PDE1A: variants seen among roughly 807,000 people sequenced by gnomAD.
PDE1A encodes dual specificity calcium/calmodulin-dependent 3',5'-cyclic nucleotide phosphodiesterase 1A.
A neutral mutation model predicts 61.7 loss-of-function variants in PDE1A; 35 were observed. The observed-to-expected ratio is 0.57, with a 90% CI of 0.43 to 0.75. The LOEUF (loss-of-function observed/expected upper bound fraction) is 0.75, where lower values mean the gene tolerates loss of function less well. PDE1A is among the 30% of genes least tolerant of loss of function. The pLI is 0.00. For synonymous variants in PDE1A, 232 were observed against 213.2 expected (o/e 1.09, Z -0.77); for missense variants, 597 against 630.6 (o/e 0.95, Z 0.57).
chr2:182,173,042 G>T lies in PDE1A; in HGVS notation c.1517-4752C>A, dbSNP rs151121436. On this transcript the variant is annotated intron_variant, in intron 13 of 13. Transcript: ENST00000351439. ...TCCCTAGGTGAATATAACTACGAAG[G>T]TTCCCATTGCCATTTCCTGACTTCA... Among the ~76,000 whole-genome samples, 105 of 152,032 alleles carry T rather than the reference G, an allele frequency of 6.9e-4. No individual in the cohort carries two copies. The East Asian group carries it at 0.019, about 28-fold the overall frequency.
At chr2:182,588,487 T>C in the PDE1A span, among the ~76,000 whole-genome samples, 1 of 152,224 alleles carries the variant, frequency 6.6e-6, no homozygotes, top group Admixed American at 6.5e-5. Context: ...AAACTCTTAT[T>C]ACTTCTGTCT....
chr2:182,502,108 C>T (rs943100883), intron 2 of PDE1A, among the ~76,000 whole-genome samples: 2 of 152,202 alleles, frequency 1.3e-5, no homozygotes, highest in African/African-American at 4.8e-5. Context: ...TCTCCTCCTT[C>T]CTCAAATGCC....
At chr2:182,634,509 G>A in the PDE1A span, among the ~76,000 whole-genome samples, 1 of 152,148 alleles carries the variant, frequency 6.6e-6, no homozygotes, top group Non-Finnish European at 1.5e-5. Context: ...AACAGCAGGG[G>A]AGTCCTGCTT....
intron 2 of PDE1A, among the ~76,000 whole-genome samples, chr2:182,478,366 C>A (rs996167809): frequency 6.6e-6 from 1 of 151,532 alleles, no homozygotes; most frequent in Non-Finnish European, 1.5e-5. Flanking sequence ...AAATAGTGCT[C>A]TATCATTCTC....
chr2:182,517,018 A>C (rs1259226660), intron 2 of PDE1A, among the ~76,000 whole-genome samples: 1 of 152,168 alleles, frequency 6.6e-6, no homozygotes, highest in Non-Finnish European at 1.5e-5. Context: ...CAGGGGATTA[A>C]GACGTGGACA....
intron 10 of PDE1A, among the ~76,000 whole-genome samples, chr2:182,197,531 TA>T (rs1296638590): frequency 6.6e-6 from 1 of 151,788 alleles, no homozygotes; most frequent in African/African-American, 2.4e-5. Flanking sequence ...TTTATAGTTT[TA>T]GGTTTTGTCT....
At chr2:182,643,222 G>A in the PDE1A span, among the ~76,000 whole-genome samples, 432 of 152,302 alleles carry the variant, frequency 2.8e-3, 2 homozygotes, top group African/African-American at 9.7e-3. Flanking sequence ...AAGTTACCAA[G>A]CACATTCAAA....
chr2:182,531,390 AT>A, the PDE1A span, among the ~76,000 whole-genome samples: 2 of 151,554 alleles, frequency 1.3e-5, no homozygotes, highest in Admixed American at 6.6e-5. Flanking sequence ...AAAAAAAAAA[AT>A]ACCATAATAA....
chr2:182,289,002 C>T (rs1346728595), intron 1 of PDE1A, among the ~76,000 whole-genome samples: 2 of 150,488 alleles, frequency 1.3e-5, no homozygotes, highest in Non-Finnish European at 3.0e-5. Context: ...GCCTCTTGCT[C>T]CTGGATTCAC....
chr2:182,619,961 C>T, the PDE1A span, among the ~76,000 whole-genome samples: 2 of 152,042 alleles, frequency 1.3e-5, no homozygotes, highest in African/African-American at 4.8e-5. Flanking sequence ...TTTTTTAAGG[C>T]ATCAAACCCA....
intron 1 of PDE1A, among the ~76,000 whole-genome samples, chr2:182,416,887 A>T (rs1237722683): frequency 6.6e-6 from 1 of 152,206 alleles, no homozygotes; most frequent in Non-Finnish European, 1.5e-5. Context: ...ACTGGAAGTA[A>T]TTCCCAAACT....
intron 1 of PDE1A, among the ~76,000 whole-genome samples, chr2:182,283,394 G>A (rs1479691073): frequency 6.6e-6 from 1 of 150,994 alleles, no homozygotes; most frequent in East Asian, 1.9e-4. Context: ...GGTATAAAGG[G>A]TACCTGAGTT....
chr2:182,594,500 G>T, the PDE1A span, among the ~76,000 whole-genome samples: 1 of 152,132 alleles, frequency 6.6e-6, no homozygotes, highest in African/African-American at 2.4e-5. Context: ...CCTCTAAGTT[G>T]CAAACTAAAG....
intron 2 of PDE1A, among the ~76,000 whole-genome samples, chr2:182,498,917 T>C (rs1035397670): frequency 6.6e-6 from 1 of 151,306 alleles, no homozygotes; most frequent in Non-Finnish European, 1.5e-5. Context: ...CACTCCAGCC[T>C]GGGCGACAGA....
chr2:182,522,449 A>T (rs1690628122), intron 1 of PDE1A: 2 of 1,604,392 alleles, frequency 1.2e-6, no homozygotes, highest in African/African-American at 2.7e-5. Context: ...GTCCATTACA[A>T]ATCTTACACA....
chr2:182,377,043 G>C (rs1209239139), intron 1 of PDE1A, among the ~76,000 whole-genome samples: 1 of 152,272 alleles, frequency 6.6e-6, no homozygotes, highest in East Asian at 1.9e-4. Context: ...GATGAGATTT[G>C]GGTGGGGACA....
At chr2:182,185,790 A>T (rs771863728) in intron 13 of PDE1A, 102 bp downstream of exon 13, 11 of 1,567,886 alleles carry the variant, frequency 7.0e-6, no homozygotes, top group African/African-American at 1.3e-5. Context: ...TCAAGGGCTT[A>T]CATATTCTAT....
intron 2 of PDE1A, among the ~76,000 whole-genome samples, chr2:182,446,784 T>C (rs1012756349): frequency 1.3e-5 from 2 of 152,052 alleles, no homozygotes; most frequent in Non-Finnish European, 2.9e-5. Flanking sequence ...AACTCTGGAA[T>C]GGCCTGCTTT....
At chr2:182,176,159 G>T (rs1340947707) in intron 13 of PDE1A, among the ~76,000 whole-genome samples, 1 of 146,616 alleles carries the variant, frequency 6.8e-6, no homozygotes, top group African/African-American at 2.7e-5. Context: ...GATTGACTTG[G>T]CGATGCGGGC....
Sources: gnomAD v4.1 joint callset for allele counts (sites outside exome capture counted in the v4.1 genomes callset) on GRCh38, gnomAD v4.1.1 for gene constraint, MANE v1.5 for transcripts, NCBI Gene and HGNC (gene_info 2026-07-23, HGNC 2026-07-21) for gene names.